SAMD3: variants seen among roughly 807,000 people sequenced by gnomAD.
SAMD3 encodes the protein sterile alpha motif domain-containing protein 3.
In SAMD3, 63 loss-of-function variants were observed where a neutral mutation model predicts 58.5. That is an observed-to-expected ratio of 1.08 (90% CI 0.88 to 1.33). SAMD3 has a LOEUF of 1.33. SAMD3 is among the 40% of genes most tolerant of loss of function. SAMD3 has a pLI of 0.00. For synonymous variants in SAMD3, 220 were observed against 210.3 expected, an observed-to-expected ratio of 1.05 and a Z score of -0.40; for missense variants, 604 against 608.4, an observed-to-expected ratio of 0.99 and a Z score of 0.08.
In SAMD3 at chr6:130,264,631, G is replaced by A. The variant is rs533733401; in HGVS notation, c.-187-41818C>T. ...TCTCACATCTATTTAGATGCAATTG[G>A]AGCCCTGCAAGGAATACCAGATCAA... On this transcript the variant is annotated intron_variant, in intron 2 of 13. Transcript: ENST00000368134. Among the ~76,000 whole-genome samples, 12 of 152,264 alleles carry A rather than the reference G, an allele frequency of 7.9e-5. No individual in the cohort carries two copies. The East Asian group carries it at 2.3e-3, about 29-fold the overall frequency.
intron 5 of SAMD3, among the ~76,000 whole-genome samples, chr6:130,187,170 T>G (rs921065260): frequency 3.9e-5 from 6 of 152,300 alleles, no homozygotes; most frequent in African/African-American, 1.4e-4. Context: ...TTCAAGTAGC[T>G]AAATTAGCTG....
At chr6:130,271,350 T>C (rs1774557008) in intron 2 of SAMD3, among the ~76,000 whole-genome samples, 1 of 152,154 alleles carries the variant, frequency 6.6e-6, no homozygotes, top group South Asian at 2.1e-4. Flanking sequence ...TCCCTATCCC[T>C]GTGTACTATC....
intron 1 of SAMD3, among the ~76,000 whole-genome samples, chr6:130,322,913 G>T (rs1376080397): frequency 6.6e-6 from 1 of 152,154 alleles, no homozygotes; most frequent in Non-Finnish European, 1.5e-5. Context: ...AAATGGAATA[G>T]GCTTGACTCT....
At chr6:130,267,693 A>G (rs1268269192) in intron 2 of SAMD3, among the ~76,000 whole-genome samples, 1 of 152,180 alleles carries the variant, frequency 6.6e-6, no homozygotes, top group East Asian at 1.9e-4. Flanking sequence ...CCCCTGACCT[A>G]GCAAGTGATG....
chr6:130,249,542 C>T (rs150792608), intron 2 of SAMD3, among the ~76,000 whole-genome samples: 30 of 152,150 alleles, frequency 2.0e-4, no homozygotes, highest in African/African-American at 6.0e-4. Context: ...CTGCATCCCA[C>T]GGTGTATGCT....
At chr6:130,151,434 T>TA (rs1396667782) in intron 9 of SAMD3, among the ~76,000 whole-genome samples, 1 of 152,142 alleles carries the variant, frequency 6.6e-6, no homozygotes, top group Non-Finnish European at 1.5e-5. Flanking sequence ...CTTTATTTTT[T>TA]AAATTTATTT....
intron 7 of SAMD3, among the ~76,000 whole-genome samples, chr6:130,177,744 C>T (rs1791865451): frequency 1.3e-5 from 2 of 151,942 alleles, no homozygotes; most frequent in African/African-American, 4.8e-5. Context: ...CACTTCCTTC[C>T]TTCCTTCCTT....
In SAMD3 at chr6:130,215,234, C is replaced by G. The variant is rs150807264; in HGVS notation, c.40G>C (p.Val14Leu). The change falls in exon 3 of 12, where the codon GTG (valine) becomes CTG (leucine). Residue 14 changes from valine (V) to leucine (L), a missense_variant. By Grantham distance (32) the Val-to-Leu change is conservative. Coordinates refer to ENST00000439090, the MANE Select transcript of SAMD3 (RefSeq NM_001017373.4). ...WSVEQVCSWL[V>L]EKNLGELVHR... ...ACTAGCTCTCCTAAATTTTTCTCCACCAACCAACTGCAGACCTGCTCAACT... is the reference window on the plus strand; with the variant it reads ...ACTAGCTCTCCTAAATTTTTCTCCAGCAACCAACTGCAGACCTGCTCAACT... 8.1e-6 allele frequency: 13 copies of G among 1,611,204 alleles called. No individual in the cohort carries two copies. Among genetic ancestry groups the G allele is most frequent in the African/African-American group, 1.3e-5 (1 of 74,784 alleles).
At chr6:130,364,665 A>T (rs1009468817) in intron 1 of SAMD3, among the ~76,000 whole-genome samples, 1 of 151,874 alleles carries the variant, frequency 6.6e-6, no homozygotes, top group Non-Finnish European at 1.5e-5. Context: ...AAGGTGACTC[A>T]TCCTTCCCCC....
At chr6:130,173,867 T>C (rs1791470770) in intron 8 of SAMD3, among the ~76,000 whole-genome samples, 1 of 152,230 alleles carries the variant, frequency 6.6e-6, no homozygotes, top group Admixed American at 6.5e-5. Flanking sequence ...AGTGGGGCTG[T>C]TACCTTTCCT....
intron 8 of SAMD3, among the ~76,000 whole-genome samples, chr6:130,155,582 T>C (rs1392021336): frequency 1.3e-5 from 2 of 152,208 alleles, no homozygotes; most frequent in East Asian, 3.8e-4. Context: ...ACCTCACTTA[T>C]TCTTGTTGAA....
At chr6:130,241,049 C>T (rs1417556711) in intron 2 of SAMD3, among the ~76,000 whole-genome samples, 2 of 152,078 alleles carry the variant, frequency 1.3e-5, no homozygotes, top group African/African-American at 4.8e-5. Flanking sequence ...TCAGGATGCT[C>T]CAGTAGCCCC....
chr6:130,170,836 T>C (rs1304364772), intron 8 of SAMD3, among the ~76,000 whole-genome samples: 1 of 152,222 alleles, frequency 6.6e-6, no homozygotes, highest in Non-Finnish European at 1.5e-5. Context: ...CTTAAGGAGT[T>C]TTTGGGCGAG....
intron 8 of SAMD3, among the ~76,000 whole-genome samples, chr6:130,171,779 C>T (rs553087704): frequency 2.0e-5 from 3 of 152,092 alleles, no homozygotes; most frequent in Non-Finnish European, 2.9e-5. Context: ...TTTTCTGACT[C>T]GTTGATCTGT....
At chr6:130,202,736 T>G (rs1794752241) in intron 5 of SAMD3, among the ~76,000 whole-genome samples, 1 of 152,184 alleles carries the variant, frequency 6.6e-6, no homozygotes, top group Admixed American at 6.5e-5. Flanking sequence ...AATCAAGGAA[T>G]AGAATTAGTA....
chr6:130,224,075 G>A (rs567901452), upstream of SAMD3, among the ~76,000 whole-genome samples: 13 of 152,086 alleles, frequency 8.5e-5, no homozygotes, highest in Middle Eastern at 3.4e-3. Context: ...ATGGGAAGGC[G>A]GTCTTCCCCT....
In SAMD3 at chr6:130,189,421, C is replaced by G. The variant is rs369328735; in HGVS notation, c.384-4798G>C. On this transcript the variant is annotated intron_variant, in intron 5 of 11. Coordinates refer to ENST00000439090, the MANE Select transcript of SAMD3 (RefSeq NM_001017373.4). ...TCAGGCTTACGGCCTCTAGAACCAC[C>G]AAAAAATAAATTTCTATGTTTAGGT... 3.8e-4 allele frequency among the ~76,000 whole-genome samples: 58 copies of G among 152,244 alleles called. No individual in the cohort carries two copies. The South Asian group carries it at 8.5e-3, about 22-fold the overall frequency.
chr6:130,146,316 G>A (rs1291621209), intron 9 of SAMD3, 135 bp from the exon 10 acceptor site: 3 of 443,344 alleles, frequency 6.8e-6, no homozygotes, highest in Admixed American at 4.4e-5. Flanking sequence ...AGAAGTTTTA[G>A]TGGAGAATTA....
chr6:130,346,183 G>A (rs1455391844), intron 1 of SAMD3, among the ~76,000 whole-genome samples: 1 of 152,230 alleles, frequency 6.6e-6, no homozygotes, highest in Non-Finnish European at 1.5e-5. Context: ...TTCCAACTGA[G>A]GTACTGGGTT....
Sources: gnomAD v4.1 joint callset for allele counts (sites outside exome capture counted in the v4.1 genomes callset) on GRCh38, gnomAD v4.1.1 for gene constraint, MANE v1.5 for transcripts, NCBI Gene and HGNC (gene_info 2026-07-23, HGNC 2026-07-21) for gene names.